The following PTPRD variants were observed in gnomAD, a reference collection of about 807,000 sequenced individuals.
The protein encoded by PTPRD is protein tyrosine phosphatase receptor type D, also known as receptor-type tyrosine-protein phosphatase delta.
In PTPRD, 34 loss-of-function variants were observed where a neutral mutation model predicts 214.5. The ratio of observed to expected loss-of-function variants is 0.16; its 90% confidence interval spans 0.12 to 0.21. The LOEUF (loss-of-function observed/expected upper bound fraction) is 0.21, where lower values mean the gene tolerates loss of function less well. Ranked by LOEUF, PTPRD falls within the 10% of genes least tolerant of loss-of-function variation. The pLI, the probability that PTPRD is intolerant of heterozygous loss-of-function variation, is 1.00. For synonymous variants in PTPRD, 1,128 were observed against 845.7 expected (o/e 1.33, Z -5.79); for missense variants, 2,545 against 2,398.7 (o/e 1.06, Z -1.27).
rs534057190 is a variant in PTPRD at position 9,943,000 on chromosome 9, G to T, written c.-471-4390C>A. ...CCACAGTGCCCTCTGGTGGCATTCTGCTCCATTGCATCTTCCCTGCACTAA... is the reference window on the plus strand; with the variant it reads ...CCACAGTGCCCTCTGGTGGCATTCTTCTCCATTGCATCTTCCCTGCACTAA... On this transcript the variant is annotated intron_variant, in intron 4 of 45. Coordinates refer to ENST00000381196, the MANE Select transcript of PTPRD (RefSeq NM_002839.4). Among the ~76,000 whole-genome samples the T allele has an allele frequency of 2.2e-4, 34 of 151,492 alleles. No homozygotes were observed. In the South Asian group the frequency reaches 6.1e-3, roughly 27 times the overall value.
intron 10 of PTPRD, among the ~76,000 whole-genome samples, chr9:9,085,448 A>C (rs1300904789): frequency 6.6e-6 from 1 of 152,134 alleles, no homozygotes; most frequent in African/African-American, 2.4e-5. Flanking sequence ...ACTAATGGAC[A>C]TTTCTTCCTA....
intron 19 of PTPRD, 65 bp downstream of exon 19, chr9:8,523,448 T>C: frequency 6.5e-7 from 1 of 1,547,614 alleles, no homozygotes; most frequent in Middle Eastern, 1.7e-4. Context: ...ATTTCATTTG[T>C]ATTCTTTGTT....
At chr9:9,522,106 G>C (rs2096990910) in intron 8 of PTPRD, among the ~76,000 whole-genome samples, 1 of 139,278 alleles carries the variant, frequency 7.2e-6, no homozygotes, top group Admixed American at 7.7e-5. Flanking sequence ...GTGGTGAGCT[G>C]AGATTGTGCC....
chr9:9,556,853 G>C (rs543793162), intron 8 of PTPRD, among the ~76,000 whole-genome samples: 1 of 152,034 alleles, frequency 6.6e-6, no homozygotes, highest in Non-Finnish European at 1.5e-5. Context: ...GGGTCCTTTC[G>C]TTATCAGAAA....
At chr9:8,985,171 T>G (rs1223051042) in intron 11 of PTPRD, among the ~76,000 whole-genome samples, 5 of 152,102 alleles carry the variant, frequency 3.3e-5, no homozygotes, top group Non-Finnish European at 4.4e-5. Flanking sequence ...AAATACATAT[T>G]GTTTAGAATT....
chr9:8,932,839 C>T (rs1008080246), intron 11 of PTPRD, among the ~76,000 whole-genome samples: 1 of 152,068 alleles, frequency 6.6e-6, no homozygotes, highest in African/African-American at 2.4e-5. Flanking sequence ...AGCTAGACCA[C>T]TTGGCTCCCT....
At chr9:8,990,961 T>A (rs1295586015) in intron 11 of PTPRD, among the ~76,000 whole-genome samples, 1 of 151,942 alleles carries the variant, frequency 6.6e-6, no homozygotes, top group African/African-American at 2.4e-5. Flanking sequence ...ATGTCTGTAG[T>A]CCCAACACTT....
chr9:8,817,472 T>C (rs2096943793), intron 11 of PTPRD, among the ~76,000 whole-genome samples: 1 of 152,110 alleles, frequency 6.6e-6, no homozygotes, highest in Non-Finnish European at 1.5e-5. Context: ...GTTTTTCTTT[T>C]TTTAATTAGC....
chr9:10,033,227 G>C (rs1043522309), intron 4 of PTPRD, among the ~76,000 whole-genome samples: 1 of 151,644 alleles, frequency 6.6e-6, no homozygotes, highest in African/African-American at 2.4e-5. Context: ...ATGATACCAA[G>C]AAATACTAAT....
At position 10,163,137 on chromosome 9, in the gene PTPRD, C is replaced by T. The variant is rs760704967; in HGVS notation, c.-544-129347G>A. On this transcript the variant is annotated intron_variant, in intron 3 of 45. Coordinates refer to ENST00000381196, the MANE Select transcript of PTPRD (RefSeq NM_002839.4). ...TATTTTTTAAATAACCCTTATTCTA[C>T]TGAGTGTCATTGTTTTTAAATTTTG... Among the ~76,000 whole-genome samples the T allele has an allele frequency of 2.0e-5, 3 of 147,294 alleles. No individual in the cohort carries two copies. The South Asian group carries it at 6.4e-4, about 31-fold the overall frequency.
At chr9:10,326,299 T>C (rs1282989664) in intron 3 of PTPRD, among the ~76,000 whole-genome samples, 2 of 151,828 alleles carry the variant, frequency 1.3e-5, no homozygotes, top group Non-Finnish European at 1.5e-5. Flanking sequence ...CGTGGTCATT[T>C]TAGTAATCTG....
intron 12 of PTPRD, among the ~76,000 whole-genome samples, chr9:8,725,098 G>A (rs530220988): frequency 6.6e-6 from 1 of 152,262 alleles, no homozygotes; most frequent in African/African-American, 2.4e-5. Context: ...AAAACTGAAT[G>A]AAAGCTACAT....
At chr9:10,249,754 T>TG (rs2092595623) in intron 3 of PTPRD, among the ~76,000 whole-genome samples, 1 of 152,202 alleles carries the variant, frequency 6.6e-6, no homozygotes. Flanking sequence ...GCAGTTGTCT[T>TG]GCATTTTAAG....
chr9:9,984,428 A>C (rs958638961), intron 4 of PTPRD, among the ~76,000 whole-genome samples: 2 of 152,158 alleles, frequency 1.3e-5, no homozygotes, highest in African/African-American at 4.8e-5. Flanking sequence ...TGTAACCCAC[A>C]GGATGACAGA....
At chr9:9,939,714 T>C (rs993061209) in intron 4 of PTPRD, among the ~76,000 whole-genome samples, 2 of 152,164 alleles carry the variant, frequency 1.3e-5, no homozygotes, top group African/African-American at 4.8e-5. Context: ...GAAATCTGTC[T>C]TCTGGTGTCA....
At chr9:10,425,275 C>CA (rs537250707) in intron 2 of PTPRD, among the ~76,000 whole-genome samples, 2 of 151,552 alleles carry the variant, frequency 1.3e-5, no homozygotes, top group East Asian at 1.9e-4. Context: ...AAATGCTAAA[C>CA]AAAAAAAATC....
At chr9:9,534,269 G>A (rs1043061459) in intron 8 of PTPRD, among the ~76,000 whole-genome samples, 1 of 152,008 alleles carries the variant, frequency 6.6e-6, no homozygotes, top group South Asian at 2.1e-4. Flanking sequence ...CATTTTAAGA[G>A]TATTATTTAT....
intron 6 of PTPRD, among the ~76,000 whole-genome samples, chr9:9,753,323 G>A (rs1414997008): frequency 6.6e-6 from 1 of 151,826 alleles, no homozygotes; most frequent in East Asian, 1.9e-4. Flanking sequence ...GACCCCTCTG[G>A]ACAACATATC....
intron 8 of PTPRD, among the ~76,000 whole-genome samples, chr9:9,429,733 A>T: frequency 6.6e-6 from 1 of 152,352 alleles, no homozygotes; most frequent in East Asian, 1.9e-4. Flanking sequence ...CCTGGAATGC[A>T]ATGCTGGTTC....
Sources: allele counts gnomAD v4.1 joint callset (sites outside exome capture counted in the v4.1 genomes callset), GRCh38; gene constraint gnomAD v4.1.1; transcripts MANE v1.5; gene names NCBI Gene and HGNC (gene_info 2026-07-23, HGNC 2026-07-21).